Variants in DLG2 observed in about 807,000 individuals in gnomAD.
DLG2 encodes disks large homolog 2.
Under a neutral mutation model 132.5 loss-of-function variants are expected in DLG2, and 45 were observed. The observed-to-expected ratio is 0.34, with a 90% confidence interval of 0.27 to 0.44. The LOEUF is 0.44. Ranked by LOEUF, DLG2 falls within the 20% of genes least tolerant of loss-of-function variation. The pLI is 1.00. For missense variants in DLG2, 1,045 were observed against 1,196.9 expected, an observed-to-expected ratio of 0.87 and a Z score of 1.87; for synonymous variants, 424 against 419.6, an observed-to-expected ratio of 1.01 and a Z score of -0.13.
At chr11:83,940,017 G>T (rs766539189) in intron 14 of DLG2, among the ~76,000 whole-genome samples, 1 of 152,172 alleles carries the variant, frequency 6.6e-6, no homozygotes, top group Non-Finnish European at 1.5e-5. Context: ...TCTGTTTCAT[G>T]CAGCTGTTTC....
intron 6 of DLG2, among the ~76,000 whole-genome samples, chr11:84,550,336 TG>T (rs1393674344): frequency 6.6e-6 from 1 of 152,126 alleles, no homozygotes; most frequent in Non-Finnish European, 1.5e-5. Context: ...GTGCCTTTTC[TG>T]TATGTGAGGC....
chr11:85,375,826 C>G (rs753242414), intron 3 of DLG2, among the ~76,000 whole-genome samples: 4 of 152,130 alleles, frequency 2.6e-5, no homozygotes, highest in Non-Finnish European at 2.9e-5. Flanking sequence ...GCAGTTATGA[C>G]AATACAATTT....
chr11:83,549,888 C>A (rs2096344278), intron 19 of DLG2, among the ~76,000 whole-genome samples: 1 of 152,112 alleles, frequency 6.6e-6, no homozygotes, highest in South Asian at 2.1e-4. Flanking sequence ...AGGTACTTAA[C>A]CTCTATGGGC....
At chr11:85,109,208 G>A (rs370119283) in intron 6 of DLG2, among the ~76,000 whole-genome samples, 13 of 152,068 alleles carry the variant, frequency 8.5e-5, no homozygotes, top group East Asian at 7.7e-4. Flanking sequence ...AAAGCAGATC[G>A]GTATCTGCTG....
At chr11:85,301,124 C>T (rs1473151578) in intron 3 of DLG2, among the ~76,000 whole-genome samples, 1 of 152,050 alleles carries the variant, frequency 6.6e-6, no homozygotes, top group East Asian at 1.9e-4. Flanking sequence ...TTGCTTGAAC[C>T]TGGGAGGCAG....
chr11:84,005,616 C>A (rs565088366), intron 11 of DLG2, among the ~76,000 whole-genome samples: 1 of 151,114 alleles, frequency 6.6e-6, no homozygotes, highest in African/African-American at 2.4e-5. Flanking sequence ...ATATCCAGAA[C>A]ATACAAAGAA....
chr11:83,989,876 G>A (rs189732827), intron 11 of DLG2, among the ~76,000 whole-genome samples: 121 of 152,228 alleles, frequency 7.9e-4, no homozygotes, highest in African/African-American at 2.5e-3. Context: ...TACTGATTTC[G>A]GGGAAGTGAT....
chr11:83,841,530 T>C (rs1024406069), intron 16 of DLG2, among the ~76,000 whole-genome samples: 1 of 152,232 alleles, frequency 6.6e-6, no homozygotes, highest in African/African-American at 2.4e-5. Flanking sequence ...TCTATCATAA[T>C]GCTTATTCCA....
At chr11:85,324,233 G>C (rs938940540) in intron 3 of DLG2, among the ~76,000 whole-genome samples, 2 of 152,074 alleles carry the variant, frequency 1.3e-5, no homozygotes, top group Non-Finnish European at 2.9e-5. Context: ...TCTTTGAATA[G>C]CTTCTACTTG....
intron 10 of DLG2, among the ~76,000 whole-genome samples, chr11:84,087,339 G>A (rs34309181): frequency 0.035 from 5,306 of 152,138 alleles, 143 homozygotes; most frequent in Non-Finnish European, 0.055. Context: ...TTTTATTATA[G>A]CCATTCTTGT....
At chr11:84,609,111 A>T (rs916123931) in intron 6 of DLG2, among the ~76,000 whole-genome samples, 1 of 152,172 alleles carries the variant, frequency 6.6e-6, no homozygotes, top group South Asian at 2.1e-4. Flanking sequence ...TTTCTGGCAC[A>T]AAGTGTCTCT....
intron 12 of DLG2, 150 bp from the exon 13 acceptor site, chr11:83,965,618 A>G: frequency 1.6e-6 from 1 of 633,816 alleles, no homozygotes; most frequent in Non-Finnish European, 2.6e-6. Flanking sequence ...TAGTCAAAGC[A>G]GATAAGTACA....
intron 7 of DLG2, among the ~76,000 whole-genome samples, chr11:84,433,881 C>T (rs1472532052): frequency 6.6e-6 from 1 of 152,054 alleles, no homozygotes; most frequent in Non-Finnish European, 1.5e-5. Flanking sequence ...CTTTGGGAGG[C>T]CAAGGTGGGC....
intron 3 of DLG2, among the ~76,000 whole-genome samples, chr11:85,345,407 T>C (rs1565354327): frequency 6.6e-6 from 1 of 152,032 alleles, no homozygotes; most frequent in Non-Finnish European, 1.5e-5. Flanking sequence ...GAAAAGGAAA[T>C]TTACACATTG....
At chr11:85,562,922 C>T (rs991238297) in intron 3 of DLG2, among the ~76,000 whole-genome samples, 1 of 151,748 alleles carries the variant, frequency 6.6e-6, no homozygotes, top group African/African-American at 2.4e-5. Context: ...GAAGGGAGTG[C>T]CTAAGTTATT....
chr11:84,701,645 A>G (rs1279369817), intron 6 of DLG2, among the ~76,000 whole-genome samples: 2 of 151,508 alleles, frequency 1.3e-5, no homozygotes, highest in African/African-American at 4.8e-5. Context: ...TTTTCTTTTT[A>G]CTGAAAAGTA....
intron 18 of DLG2, among the ~76,000 whole-genome samples, chr11:83,656,815 T>C (rs951371256): frequency 2.0e-5 from 3 of 152,224 alleles, no homozygotes; most frequent in Admixed American, 2.0e-4. Flanking sequence ...GGGATGATGA[T>C]GCTTAGGTTG....
intron 26 of DLG2, among the ~76,000 whole-genome samples, chr11:83,466,487 A>G (rs1181887150): frequency 1.3e-5 from 2 of 152,246 alleles, no homozygotes; most frequent in African/African-American, 2.4e-5. Context: ...AGGAATTACT[A>G]TTATTGTTAA....
At position 84,509,194 on chromosome 11, in the gene DLG2, A is replaced by G. The variant is rs548561135; in HGVS notation, c.519+25376T>C. ...GATATATCATACATTTGAAACTGTG[A>G]CCTTGCATAAAGTCTGAATTCTGGA... On this transcript the variant is annotated intron_variant, in intron 7 of 27. Coordinates refer to ENST00000376104, the MANE Select transcript of DLG2 (RefSeq NM_001142699.3). Among the ~76,000 whole-genome samples the G allele has an allele frequency of 8.5e-5, 13 of 152,316 alleles. No homozygotes were observed. In the South Asian group the frequency reaches 2.5e-3, roughly 29 times the overall value.
Sources: allele counts gnomAD v4.1 joint callset (sites outside exome capture counted in the v4.1 genomes callset), GRCh38; gene constraint gnomAD v4.1.1; transcripts MANE v1.5; gene names NCBI Gene and HGNC (gene_info 2026-07-23, HGNC 2026-07-21).